Variants in DOP1A observed in about 807,000 individuals in gnomAD.
DOP1A encodes the protein DOP1 leucine zipper like protein A.
Under a neutral mutation model 267.6 loss-of-function variants are expected in DOP1A, and 90 were observed. The ratio of observed to expected loss-of-function variants is 0.34; its 90% confidence interval spans 0.28 to 0.40. DOP1A has a LOEUF of 0.40. DOP1A is among the 10% of genes least tolerant of loss of function. The probability of loss-of-function intolerance (pLI) is 1.00; values close to 1 mark genes in which losing one functional copy is unlikely to be tolerated. For synonymous variants in DOP1A, 932 were observed against 999.1 expected (o/e 0.93, Z 1.27); for missense variants, 2,437 against 2,900.4 (o/e 0.84, Z 3.67).
chr6:83,069,817 G>A (rs1424043739), intron 1 of DOP1A, among the ~76,000 whole-genome samples: 1 of 152,112 alleles, frequency 6.6e-6, no homozygotes, highest in Non-Finnish European at 1.5e-5. Flanking sequence ...TCCAACAAGT[G>A]AAGACTTGTT....
intron 1 of DOP1A, 73 bp downstream of exon 1, chr6:83,067,852 AG>A (rs1459500699): frequency 1.3e-5 from 2 of 152,268 alleles, no homozygotes; most frequent in Non-Finnish European, 1.5e-5. Flanking sequence ...CGGCCCGGCT[AG>A]GTCCTGAGCC....
At chr6:83,162,361 C>T (rs1402542444) in intron 37 of DOP1A, among the ~76,000 whole-genome samples, 1 of 152,080 alleles carries the variant, frequency 6.6e-6, no homozygotes, top group Non-Finnish European at 1.5e-5. Flanking sequence ...TACTATGCAA[C>T]TAGGGAACAT....
intron 23 of DOP1A, 44 bp from the exon 24 acceptor site, chr6:83,141,877 C>A (rs1461138580): frequency 5.8e-6 from 9 of 1,564,286 alleles, no homozygotes; most frequent in South Asian, 1.2e-5. Context: ...AATGTTTTTT[C>A]ATTTTTTAAA....
chr6:83,142,245 C>G (rs1027335628), intron 24 of DOP1A, among the ~76,000 whole-genome samples, 199 bp downstream of exon 24: 7 of 152,110 alleles, frequency 4.6e-5, no homozygotes, highest in Non-Finnish European at 1.0e-4. Flanking sequence ...CACGGTGGCT[C>G]ACACCTGTAA....
intron 4 of DOP1A, among the ~76,000 whole-genome samples, chr6:83,102,047 T>G (rs893737992): frequency 1.3e-5 from 2 of 152,182 alleles, no homozygotes; most frequent in African/African-American, 4.8e-5. Context: ...AGCTGGACAT[T>G]TCCAGTGCTG....
intron 1 of DOP1A, among the ~76,000 whole-genome samples, chr6:83,084,963 T>A (rs1411105576): frequency 6.6e-6 from 1 of 152,176 alleles, no homozygotes; most frequent in African/African-American, 2.4e-5. Context: ...TTATGTTTAA[T>A]ACAGATTAAA....
intron 20 of DOP1A, among the ~76,000 whole-genome samples, chr6:83,136,847 T>G (rs1778937263): frequency 6.6e-6 from 1 of 152,128 alleles, no homozygotes; most frequent in Admixed American, 6.6e-5. Flanking sequence ...TGTACTACTT[T>G]GTATGTCACT....
rs548065692 is a variant in DOP1A, at chr6:83,166,196, C to A, written c.7093-1666C>A. On this transcript the variant is annotated intron_variant, in intron 38 of 38. Coordinates refer to ENST00000349129, the MANE Select transcript of DOP1A (RefSeq NM_015018.4). The stretch of plus-strand genomic sequence containing the variant: ...GGCACCCATTTATTGAGCTTTTTCA[C>A]CTTTTCAATTTGCTTCAAATGCCGA... The A allele has an allele frequency of 4.8e-4, 243 of 510,140 alleles. 4 individuals carry two copies. In the South Asian group the frequency reaches 9.1e-3, roughly 19 times the overall value. 31.6% of individuals were successfully genotyped at this position (510,140 alleles called of 1,614,324 possible).
chr6:83,138,065 C>T lies in DOP1A; in HGVS notation c.4023C>T (p.Asp1341=), dbSNP rs1447069103. 3.1e-6 allele frequency: 5 copies of T among 1,613,384 alleles called. No individual in the cohort carries two copies. The highest frequency in any genetic ancestry group is 4.2e-6 in the Non-Finnish European group (5 of 1,179,760). Residue 1341 remains aspartate (D), a synonymous_variant, in exon 21 of 39, where the codon GAC becomes GAT. Transcript: ENST00000349129. ...ACTGGTATAGCTGTGGAGAGGGAGA[C>T]ATTTCTGAAATTGAGAGTGACATGG... ...LENWYSCGEG[D]ISEIESDMGS...
In DOP1A at chr6:83,168,036, A is replaced by G; in HGVS notation, c.7267A>G (p.Ile2423Val). The G allele has an allele frequency of 6.2e-7, 1 of 1,614,194 alleles. No individual in the cohort carries two copies. Among genetic ancestry groups the G allele is most frequent in the Non-Finnish European group, 8.5e-7 (1 of 1,180,036 alleles). ...SRCGGHSGSP[I>V]LYSNAFPNKD... ...ATGTGGAGGACACTCAGGGAGTCCT[A>G]TCCTCTACTCAAATGCCTTCCCTAA... Residue 2423 changes from isoleucine (I) to valine (V), a missense_variant, in exon 39 of 39, where the codon ATC (isoleucine) becomes GTC (valine). By Grantham distance (29) the Ile-to-Val change is conservative (BLOSUM62 3). This residue lies in a region of DOP1A where 197 missense variants were observed against 246.5 expected (regional missense o/e 0.80). Coordinates refer to ENST00000349129, the MANE Select transcript of DOP1A (RefSeq NM_015018.4).
chr6:83,087,936 A>G (rs1769593876), intron 1 of DOP1A, among the ~76,000 whole-genome samples: 1 of 152,078 alleles, frequency 6.6e-6, no homozygotes, highest in Non-Finnish European at 1.5e-5. Flanking sequence ...CAGTGGCGCG[A>G]TCTCAGCTCA....
chr6:83,151,576 C>T lies in DOP1A; in HGVS notation c.5838-17C>T. 1 of 1,581,090 alleles carries T rather than the reference C, an allele frequency of 6.3e-7. No homozygotes were observed. Among genetic ancestry groups the T allele is most frequent in the Non-Finnish European group, 8.6e-7 (1 of 1,169,054 alleles). On this transcript the variant is annotated splice_polypyrimidine_tract_variant and intron_variant, in intron 27 of 38. Coordinates refer to ENST00000349129, the MANE Select transcript of DOP1A (RefSeq NM_015018.4). Reference sequence around the variant, plus strand: ...GCCTGATATTTCCCGTTTCTGTTTTCTCTTTGGCCCTTTTAGGGTTCTGAA... The same window carrying T: ...GCCTGATATTTCCCGTTTCTGTTTTTTCTTTGGCCCTTTTAGGGTTCTGAA...
chr6:83,088,698 G>A (rs1361140415), intron 1 of DOP1A, among the ~76,000 whole-genome samples: 2 of 152,146 alleles, frequency 1.3e-5, no homozygotes, highest in Admixed American at 6.5e-5. Flanking sequence ...GGGATTACAG[G>A]TGTGAGCCAC....
rs1779093420 is a variant in DOP1A, at chr6:83,137,910, T to C, written c.3868T>C (p.Ser1290Pro). 6.2e-7 allele frequency: 1 copy of C among 1,610,872 alleles called. No individual in the cohort carries two copies. The highest frequency in any genetic ancestry group is 1.3e-5 in the African/African-American group (1 of 74,524). Reference protein sequence around the residue: ...VSEKETIVKESGKQPGAKPKV... With the variant: ...VSEKETIVKEPGKQPGAKPKV... ...GGAGAAGGAAACAATAGTTAAGGAG[T>C]CAGGTAAACAACCAGGAGCAAAACC... The change falls in exon 21 of 39, where the codon TCA becomes CCA. Residue 1290 changes from serine to proline, a missense_variant. Transcript: ENST00000349129.
intron 3 of DOP1A, among the ~76,000 whole-genome samples, chr6:83,098,203 A>AC (rs767064560): frequency 1.3e-5 from 2 of 152,216 alleles, no homozygotes; most frequent in African/African-American, 2.4e-5. Flanking sequence ...AGCTTAACAT[A>AC]CAAATTAGGA....
At chr6:83,068,153 T>C (rs1282954013) in intron 1 of DOP1A, among the ~76,000 whole-genome samples, 1 of 152,148 alleles carries the variant, frequency 6.6e-6, no homozygotes, top group Non-Finnish European at 1.5e-5. Flanking sequence ...ACCTGTGCGA[T>C]GGAGGCGTGC....
intron 1 of DOP1A, among the ~76,000 whole-genome samples, chr6:83,077,758 G>A (rs1767359434): frequency 1.3e-5 from 2 of 152,190 alleles, no homozygotes; most frequent in South Asian, 4.1e-4. Context: ...TGTAAGCCAT[G>A]TTTCTAAATC....
chr6:83,116,596 G>A (rs1775470919), intron 7 of DOP1A, among the ~76,000 whole-genome samples: 1 of 152,048 alleles, frequency 6.6e-6, no homozygotes, highest in Non-Finnish European at 1.5e-5. Flanking sequence ...GATCACTTGA[G>A]GTCAGGAGTT....
intron 1 of DOP1A, chr6:83,073,101 G>A (rs1378577381): frequency 4.5e-6 from 1 of 220,482 alleles, no homozygotes; most frequent in Non-Finnish European, 9.3e-6. Flanking sequence ...CTTTTTTTTT[G>A]AGACAGACTC....
Sources: gnomAD v4.1 joint callset for allele counts (sites outside exome capture counted in the v4.1 genomes callset) on GRCh38, gnomAD v4.1.1 for gene constraint, gnomAD v4.1.1 regional missense constraint, MANE v1.5 for transcripts, NCBI Gene and HGNC (gene_info 2026-07-23, HGNC 2026-07-21) for gene names.